The following ZBTB20 variants were observed in gnomAD, a reference collection of about 807,000 sequenced individuals.
ZBTB20 encodes the protein zinc finger and BTB domain-containing protein 20.
ZBTB20 carries 9 observed loss-of-function variants against 56.9 expected under a neutral mutation model. That is an observed-to-expected ratio of 0.16 (90% CI 0.10 to 0.28). ZBTB20 has a LOEUF of 0.28. Among genes scored for constraint, ZBTB20 ranks in the 10% least tolerant of loss-of-function variants. The pLI, the probability that ZBTB20 is intolerant of heterozygous loss-of-function variation, is 1.00. For synonymous variants in ZBTB20, 417 were observed against 420.7 expected (o/e 0.99, Z 0.11); for missense variants, 655 against 1,003.0 (o/e 0.65, Z 4.69).
chr3:114,949,928 T>C (rs778137212), intron 3 of ZBTB20, among the ~76,000 whole-genome samples: 52 of 151,722 alleles, frequency 3.4e-4, no homozygotes, highest in Non-Finnish European at 5.5e-4. Flanking sequence ...AACTGGAAAA[T>C]GGACAATACC....
intron 4 of ZBTB20, among the ~76,000 whole-genome samples, chr3:114,845,818 G>A (rs2074672418): frequency 6.6e-6 from 1 of 151,988 alleles, no homozygotes; most frequent in African/African-American, 2.4e-5. Context: ...CTTATATTAT[G>A]CGAAACACTA....
intron 7 of ZBTB20, among the ~76,000 whole-genome samples, chr3:114,436,363 C>G (rs942527816): frequency 7.9e-5 from 12 of 152,140 alleles, no homozygotes; most frequent in Admixed American, 5.9e-4. Context: ...GGGCCCCAAA[C>G]TCAGCTCTGC....
intron 4 of ZBTB20, among the ~76,000 whole-genome samples, chr3:114,870,045 C>T (rs542765615): frequency 5.3e-5 from 8 of 152,230 alleles, no homozygotes; most frequent in African/African-American, 1.7e-4. Context: ...TGTACATATA[C>T]GTCATTGGCA....
chr3:114,543,705 T>C (rs535823388), intron 6 of ZBTB20, among the ~76,000 whole-genome samples: 6 of 152,366 alleles, frequency 3.9e-5, no homozygotes, highest in Admixed American at 3.9e-4. Flanking sequence ...CATTGGCATA[T>C]ATTTATTACA....
intron 2 of ZBTB20, among the ~76,000 whole-genome samples, chr3:114,983,762 T>G (rs181899954): frequency 6.6e-6 from 1 of 152,176 alleles, no homozygotes; most frequent in Non-Finnish European, 1.5e-5. Context: ...TTTAAGTAAT[T>G]TGTTAAACTA....
At chr3:114,408,694 C>T (rs1559750536) in intron 7 of ZBTB20, among the ~76,000 whole-genome samples, 1 of 152,108 alleles carries the variant, frequency 6.6e-6, no homozygotes, top group Non-Finnish European at 1.5e-5. Flanking sequence ...ATCAATGCTA[C>T]AGAACAAACC....
intron 7 of ZBTB20, among the ~76,000 whole-genome samples, chr3:114,443,751 G>A (rs1233010797): frequency 6.6e-6 from 1 of 152,114 alleles, no homozygotes; most frequent in Admixed American, 6.5e-5. Context: ...ACAATGATGA[G>A]TGATAACCTT....
intron 5 of ZBTB20, among the ~76,000 whole-genome samples, chr3:114,735,681 G>A (rs1035947761): frequency 5.9e-5 from 9 of 151,958 alleles, no homozygotes; most frequent in Admixed American, 5.9e-4. Flanking sequence ...ATAAGTCAAT[G>A]GAAACCTCTT....
At chr3:114,382,355 C>T (rs1157467549) in intron 8 of ZBTB20, among the ~76,000 whole-genome samples, 3 of 152,338 alleles carry the variant, frequency 2.0e-5, no homozygotes, top group African/African-American at 7.2e-5. Context: ...TAGCCTGACA[C>T]TCAAGGTCAG....
intron 4 of ZBTB20, among the ~76,000 whole-genome samples, chr3:114,899,483 C>T (rs185029338): frequency 5.1e-4 from 78 of 151,788 alleles, no homozygotes; most frequent in Admixed American, 9.9e-4. Flanking sequence ...GATATTCTTT[C>T]GAGAAGTTGG....
At chr3:114,825,427 T>C (rs1391810145) in intron 4 of ZBTB20, among the ~76,000 whole-genome samples, 1 of 151,960 alleles carries the variant, frequency 6.6e-6, no homozygotes, top group Non-Finnish European at 1.5e-5. Context: ...GTAATGTTAA[T>C]GCTGGAGTAC....
At chr3:114,983,947 G>T (rs913986420) in intron 2 of ZBTB20, among the ~76,000 whole-genome samples, 3 of 151,792 alleles carry the variant, frequency 2.0e-5, no homozygotes, top group African/African-American at 7.3e-5. Context: ...AAAACGAAAC[G>T]ATTTCCTTTG....
chr3:114,364,784 C>T (rs1010051155), intron 10 of ZBTB20, among the ~76,000 whole-genome samples: 1 of 152,190 alleles, frequency 6.6e-6, no homozygotes, highest in East Asian at 1.9e-4. Context: ...TATTATCCAA[C>T]TGATTAATTA....
chr3:114,358,747 T>A (rs1190852708), intron 10 of ZBTB20, among the ~76,000 whole-genome samples: 1 of 152,186 alleles, frequency 6.6e-6, no homozygotes, highest in African/African-American at 2.4e-5. Context: ...AATACCCCAG[T>A]ATAAATGGAA....
rs1248175918 is a variant in ZBTB20 at position 114,317,477 on chromosome 3, G to A, written c.*21528C>T. On this transcript the variant is annotated 3_prime_UTR_variant, in exon 12 of 12. Transcript: ENST00000675478. ...CCTCATTTTTGAAAAAATCAGAGAA[G>A]TCTATGAAATACAATGTTCAGGAAA... 6.6e-6 allele frequency: 1 copy of A among 150,576 alleles called. No homozygotes were observed. The highest frequency in any genetic ancestry group is 2.1e-4 in the South Asian group (1 of 4,752). 9.3% of individuals were successfully genotyped at this position (150,576 alleles called of 1,614,324 possible). A position where few individuals can be genotyped will look rare whatever the true frequency, so the allele number is the denominator to read the frequency against.
intron 6 of ZBTB20, among the ~76,000 whole-genome samples, chr3:114,534,592 T>C (rs2110060077): frequency 6.6e-6 from 1 of 152,024 alleles, no homozygotes; most frequent in African/African-American, 2.4e-5. Context: ...AGACAGAAAA[T>C]TAACAAGGAT....
Position 114,973,863 on chromosome 3 carries a change from T to C in ZBTB20, c.-456+503A>G, listed in dbSNP as rs925828942. Reference sequence around the variant, plus strand: ...ACGAGTCTATTGTAAACTTCTTGCCTGAAATTCTGGACTTCTGACTATCAG... The same window carrying C: ...ACGAGTCTATTGTAAACTTCTTGCCCGAAATTCTGGACTTCTGACTATCAG... On this transcript the variant is annotated intron_variant, in intron 3 of 11. Coordinates refer to ENST00000675478, the MANE Select transcript of ZBTB20 (RefSeq NM_001348800.3). Among the ~76,000 whole-genome samples the C allele has an allele frequency of 7.9e-5, 12 of 152,266 alleles. No homozygotes were observed. In the East Asian group the frequency reaches 2.3e-3, roughly 29 times the overall value.
chr3:114,876,935 A>G (rs1033868184), intron 4 of ZBTB20, among the ~76,000 whole-genome samples: 1 of 152,160 alleles, frequency 6.6e-6, no homozygotes, highest in Non-Finnish European at 1.5e-5. Flanking sequence ...GTGTATATCT[A>G]TCTGATACCT....
At chr3:115,097,336 G>A (rs538240981) in intron 1 of ZBTB20, among the ~76,000 whole-genome samples, 3 of 151,852 alleles carry the variant, frequency 2.0e-5, no homozygotes, top group South Asian at 2.1e-4. Flanking sequence ...GCACCACCAC[G>A]CCCAGGTAGT....
Sources: allele counts gnomAD v4.1 joint callset (sites outside exome capture counted in the v4.1 genomes callset), GRCh38; gene constraint gnomAD v4.1.1; transcripts MANE v1.5; gene names NCBI Gene and HGNC (gene_info 2026-07-23, HGNC 2026-07-21).